PTPRK: variants seen among roughly 807,000 people sequenced by gnomAD.
The protein encoded by PTPRK is protein tyrosine phosphatase receptor type K.
PTPRK carries 75 observed loss-of-function variants against 178.0 expected under a neutral mutation model. That is an observed-to-expected ratio of 0.42 (90% CI 0.35 to 0.51). PTPRK has a LOEUF of 0.51. Ranked by LOEUF, PTPRK falls within the 20% of genes least tolerant of loss-of-function variation. PTPRK has a pLI of 0.02. For synonymous variants in PTPRK, 637 were observed against 620.6 expected (o/e 1.03, Z -0.39); for missense variants, 1,441 against 1,797.8 (o/e 0.80, Z 3.59).
At chr6:128,236,959 G>A (rs1437087492) in intron 5 of PTPRK, among the ~76,000 whole-genome samples, 3 of 151,912 alleles carry the variant, frequency 2.0e-5, no homozygotes, top group Non-Finnish European at 2.9e-5. Flanking sequence ...GTTTTTCCCT[G>A]CATTTTTCAA....
At chr6:128,269,446 G>C (rs1157725173) in intron 3 of PTPRK, among the ~76,000 whole-genome samples, 1 of 151,604 alleles carries the variant, frequency 6.6e-6, no homozygotes, top group Non-Finnish European at 1.5e-5. Flanking sequence ...ACAGAGGAGA[G>C]ACTGTCAGGT....
chr6:128,011,206 A>G (rs1245370289), intron 13 of PTPRK, among the ~76,000 whole-genome samples: 1 of 151,168 alleles, frequency 6.6e-6, no homozygotes, highest in African/African-American at 2.4e-5. Flanking sequence ...TGATGTAGAA[A>G]TCTCTAGAAA....
At position 127,975,087 on chromosome 6, in the gene PTPRK, C is replaced by T. The variant is rs554674146; in HGVS notation, c.3970-1260G>A. ...ATATATTAAATGATGAGAGTGAGAA[C>T]AGAAAAAAAATCATGTACTAATAAG... On this transcript the variant is annotated intron_variant, in intron 27 of 29. Coordinates refer to ENST00000368226, the MANE Select transcript of PTPRK (RefSeq NM_002844.4). Among the ~76,000 whole-genome samples, 278 of 151,834 alleles carry T rather than the reference C, an allele frequency of 1.8e-3. 1 individual carries two copies. The highest frequency in any genetic ancestry group is 6.8e-3 in the Middle Eastern group (2 of 294).
intron 13 of PTPRK, chr6:128,027,998 T>A (rs1056949325): frequency 1.3e-5 from 2 of 152,224 alleles, no homozygotes; most frequent in East Asian, 1.9e-4. Context: ...GTCCTACTCA[T>A]CCTAATCTAC....
chr6:128,251,773 A>C (rs1437902861), intron 3 of PTPRK, among the ~76,000 whole-genome samples: 1 of 152,208 alleles, frequency 6.6e-6, no homozygotes, highest in Non-Finnish European at 1.5e-5. Flanking sequence ...TTAGAATGTT[A>C]ATACTATTTA....
At chr6:128,244,819 C>A (rs1481322145) in intron 3 of PTPRK, among the ~76,000 whole-genome samples, 1 of 152,076 alleles carries the variant, frequency 6.6e-6, no homozygotes, top group Non-Finnish European at 1.5e-5. Flanking sequence ...AGAAATAGAA[C>A]AACAACTTGA....
Position 128,067,804 on chromosome 6 carries a change from A to T in PTPRK, c.1884-12T>A. On this transcript the variant is annotated splice_polypyrimidine_tract_variant and intron_variant, in intron 11 of 29. Coordinates refer to ENST00000368226, the MANE Select transcript of PTPRK (RefSeq NM_002844.4). Reference sequence around the variant, plus strand: ...CAATCTGATAAGCACTTTGGGGAAAAGAAAAAAAGAACACACATATATATA... The same window carrying T: ...CAATCTGATAAGCACTTTGGGGAAATGAAAAAAAGAACACACATATATATA... 6.4e-7 allele frequency: 1 copy of T among 1,561,686 alleles called. No individual in the cohort carries two copies. The highest frequency in any genetic ancestry group is 8.7e-7 in the Non-Finnish European group (1 of 1,154,056).
chr6:128,358,029 G>A (rs1443571816), intron 2 of PTPRK, among the ~76,000 whole-genome samples: 1 of 152,140 alleles, frequency 6.6e-6, no homozygotes, highest in East Asian at 1.9e-4. Context: ...CCGTATGAAT[G>A]ACAATTTTAC....
At chr6:128,080,492 T>C (rs1261854674) in intron 10 of PTPRK, among the ~76,000 whole-genome samples, 2 of 152,052 alleles carry the variant, frequency 1.3e-5, no homozygotes, top group Non-Finnish European at 2.9e-5. Flanking sequence ...AAATACTGTC[T>C]AGATGGAAGA....
intron 16 of PTPRK, 84 bp downstream of exon 16, chr6:127,998,636 G>C: frequency 8.5e-7 from 1 of 1,178,474 alleles, no homozygotes; most frequent in Non-Finnish European, 1.2e-6. Flanking sequence ...TCCTTGTTGT[G>C]TTAAAGAGAG....
chr6:128,371,333 A>G (rs548536573), intron 2 of PTPRK, among the ~76,000 whole-genome samples: 14 of 152,344 alleles, frequency 9.2e-5, no homozygotes, highest in Admixed American at 6.5e-4. Flanking sequence ...TTTTATTGCC[A>G]AGCATTTCTA....
chr6:128,019,566 C>G (rs760959904), intron 13 of PTPRK, among the ~76,000 whole-genome samples: 1 of 152,040 alleles, frequency 6.6e-6, no homozygotes, highest in Non-Finnish European at 1.5e-5. Flanking sequence ...ATGTTCCATG[C>G]CCCATCTTAA....
chr6:128,100,113 A>G (rs1051359793), intron 7 of PTPRK, among the ~76,000 whole-genome samples: 2 of 152,046 alleles, frequency 1.3e-5, no homozygotes, highest in Non-Finnish European at 2.9e-5. Flanking sequence ...CACAGTGAAA[A>G]TGTGACAAAA....
At chr6:128,114,157 A>C (rs1189520053) in intron 7 of PTPRK, among the ~76,000 whole-genome samples, 6 of 151,948 alleles carry the variant, frequency 3.9e-5, no homozygotes, top group African/African-American at 1.5e-4. Context: ...ACTACCTTAG[A>C]CTAGGTAGTT....
rs953152004 is a variant in PTPRK, at chr6:128,519,514, G to C, written c.100+745C>G. ...ATCCGGGGAGCGCGGGGCCAGCCTG[G>C]CGGTGGTTTTGCCCGAGGAGCGGGC... On this transcript the variant is annotated intron_variant, in intron 1 of 29. Coordinates refer to ENST00000368226, the MANE Select transcript of PTPRK (RefSeq NM_002844.4). The surrounding 1 kb of genome is among the most constrained non-coding windows in gnomAD (Gnocchi z 4.3). 3.3e-5 allele frequency among the ~76,000 whole-genome samples: 5 copies of C among 152,204 alleles called. No individual in the cohort carries two copies. Among genetic ancestry groups the C allele is most frequent in the Non-Finnish European group, 7.3e-5 (5 of 68,042 alleles).
chr6:128,037,935 G>A (rs1266283195), intron 13 of PTPRK, among the ~76,000 whole-genome samples: 1 of 152,090 alleles, frequency 6.6e-6, no homozygotes, highest in Non-Finnish European at 1.5e-5. Flanking sequence ...TATATTGAGA[G>A]TAAAACTGAA....
At chr6:128,279,497 G>A (rs1821342598) in intron 3 of PTPRK, among the ~76,000 whole-genome samples, 1 of 152,272 alleles carries the variant, frequency 6.6e-6, no homozygotes, top group East Asian at 1.9e-4. Flanking sequence ...AGGTAAATCT[G>A]TTATGGCAGC....
At chr6:128,445,200 TTATA>T (rs779511665) in intron 1 of PTPRK, among the ~76,000 whole-genome samples, 26 of 132,426 alleles carry the variant, frequency 2.0e-4, no homozygotes, top group African/African-American at 7.7e-4. Flanking sequence ...ACTATTTTAT[TTATA>T]TATATATATA....
intron 15 of PTPRK, among the ~76,000 whole-genome samples, chr6:128,004,321 A>T (rs1318385122): frequency 2.6e-5 from 4 of 151,858 alleles, no homozygotes; most frequent in African/African-American, 9.7e-5. Context: ...AATTAACTTA[A>T]ACAGATGCAC....
Sources: allele counts gnomAD v4.1 joint callset (sites outside exome capture counted in the v4.1 genomes callset), GRCh38; gene constraint gnomAD v4.1.1; non-coding constraint Gnocchi (gnomAD v3.1); transcripts MANE v1.5; gene names NCBI Gene and HGNC (gene_info 2026-07-23, HGNC 2026-07-21).